The following RAC1 variants were observed in gnomAD, a reference collection of about 807,000 sequenced individuals.
RAC1 encodes the protein ras-related C3 botulinum toxin substrate 1.
In RAC1, 2 loss-of-function variants were observed where a neutral mutation model predicts 25.2. That is an observed-to-expected ratio of 0.08 (90% CI 0.03 to 0.25). RAC1 has a LOEUF of 0.25. Ranked by LOEUF, RAC1 falls within the 10% of genes least tolerant of loss-of-function variation. The probability of loss-of-function intolerance (pLI) is 1.00; values close to 1 mark genes in which losing one functional copy is unlikely to be tolerated. For synonymous variants in RAC1, 88 were observed against 94.0 expected (o/e 0.94, Z 0.37); for missense variants, 50 against 235.7 (o/e 0.21, Z 5.16).
chr7:6,374,830 G>A, intron 1 of RAC1, 60 bp downstream of exon 1: 2 of 1,070,514 alleles, frequency 1.9e-6, no homozygotes, highest in Non-Finnish European at 2.3e-6. Context: ...GGGGGGTTGG[G>A]CCCGGACTGG....
intron 3 of RAC1, among the ~76,000 whole-genome samples, chr7:6,396,836 C>G (rs2115208823): frequency 6.6e-6 from 1 of 152,242 alleles, no homozygotes; most frequent in East Asian, 1.9e-4. Context: ...CGAGACCATC[C>G]TGGCTAACAC....
intron 3 of RAC1, among the ~76,000 whole-genome samples, chr7:6,397,923 A>T (rs995977592): frequency 6.6e-6 from 1 of 152,186 alleles, no homozygotes; most frequent in African/African-American, 2.4e-5. Context: ...CAGGAGGCAG[A>T]GGTTGCAGTG....
rs376124534 is a variant in RAC1, at chr7:6,401,942, T to C, written c.363T>C (p.Asp121=). The C allele has an allele frequency of 6.2e-6, 10 of 1,614,042 alleles. No individual in the cohort carries two copies. The highest frequency in any genetic ancestry group is 7.6e-6 in the Non-Finnish European group (9 of 1,180,022). The change falls in exon 5 of 6, where the codon GAT becomes GAC. Residue 121 remains aspartate (D), a synonymous_variant. Coordinates refer to ENST00000348035, the MANE Select transcript of RAC1 (RefSeq NM_006908.5). ...TGGGAACTAAACTTGATCTTAGGGA[T>C]GATAAAGACACGATCGAGAAACTGA... The part of the protein sequence containing the change: ...ILVGTKLDLR[D]DKDTIEKLKE...
At chr7:6,378,659 ACTCT>A (rs1305711675) in intron 1 of RAC1, among the ~76,000 whole-genome samples, 1 of 152,080 alleles carries the variant, frequency 6.6e-6, no homozygotes, top group Non-Finnish European at 1.5e-5. Flanking sequence ...TAGGGTTGAT[ACTCT>A]TTTATTCTAA....
rs1050409572 is a variant in RAC1 at position 6,403,389 on chromosome 7, C to T, written c.*943C>T. ...TCTTTAAACTGGTTGTTCTGTTAGT[C>T]GCTAACTTAGTAAGTGCTTTTCTTA... is the stretch of plus-strand genomic sequence containing the variant. On this transcript the variant is annotated 3_prime_UTR_variant, in exon 6 of 6. Transcript: ENST00000348035. The T allele has an allele frequency of 4.7e-6, 1 of 212,174 alleles. No homozygotes were observed. Among genetic ancestry groups the T allele is most frequent in the African/African-American group, 2.3e-5 (1 of 44,106 alleles). 13.1% of individuals were successfully genotyped at this position (212,174 alleles called of 1,614,324 possible). A position where few individuals can be genotyped will look rare whatever the true frequency, so the allele number is the denominator to read the frequency against.
Position 6,401,627 on chromosome 7 carries a change from G to C in RAC1, c.289-241G>C. 3 of 322,160 alleles carry C rather than the reference G, an allele frequency of 9.3e-6. No homozygotes were observed. The South Asian group carries it at 2.6e-4, about 28-fold the overall frequency. The allele number at this position is 322,160 out of a possible 1,614,324, so 20.0% of individuals were successfully genotyped here. A position where few individuals can be genotyped will look rare whatever the true frequency, so the allele number is the denominator to read the frequency against. The stretch of plus-strand genomic sequence containing the variant: ...CCCTTCCCCTGCGGTTGTAGAGCCC[G>C]TTCTGTCCGGTCGTGGTTCTGTCCA... On this transcript the variant is annotated intron_variant, in intron 4 of 5. Transcript: ENST00000348035.
intron 1 of RAC1, among the ~76,000 whole-genome samples, chr7:6,376,493 T>TTTTTTTTTC (rs1562459731): frequency 9.4e-5 from 14 of 149,246 alleles, no homozygotes; most frequent in Non-Finnish European, 1.6e-4. Context: ...CCAATTTTTT[T>TTTTTTTTTC]TTTTTTTCTT....
Position 6,401,919 on chromosome 7 carries a change from G to C in RAC1, c.340G>C (p.Gly114Arg), listed in dbSNP as rs1385133511. ...TCCCAACACTCCCATCATCCTAGTG[G>C]GAACTAAACTTGATCTTAGGGATGA... is the stretch of plus-strand genomic sequence containing the variant. ...HCPNTPIILV[G>R]TKLDLRDDKD... is the part of the protein sequence containing the mutation. Residue 114 changes from glycine to arginine, a missense_variant, in exon 5 of 6, where the codon GGA (glycine) becomes CGA (arginine). Transcript: ENST00000348035. The C allele has an allele frequency of 6.2e-7, 1 of 1,614,094 alleles. No homozygotes were observed. The highest frequency in any genetic ancestry group is 1.3e-5 in the African/African-American group (1 of 75,022).
intron 1 of RAC1, among the ~76,000 whole-genome samples, chr7:6,376,881 G>T (rs1204089529): frequency 6.7e-6 from 1 of 148,610 alleles, no homozygotes; most frequent in Non-Finnish European, 1.5e-5. Context: ...AATACTAACC[G>T]ATTGTGGACC....
intron 4 of RAC1, among the ~76,000 whole-genome samples, 194 bp downstream of exon 4, chr7:6,400,382 T>C (rs541013888): frequency 6.6e-6 from 1 of 152,078 alleles, no homozygotes; most frequent in South Asian, 2.1e-4. Flanking sequence ...AGGCTGGAGT[T>C]GTAGTGGTGA....
intron 4 of RAC1, among the ~76,000 whole-genome samples, chr7:6,400,902 C>G (rs1039579862): frequency 6.6e-6 from 1 of 150,812 alleles, no homozygotes; most frequent in African/African-American, 2.4e-5. Flanking sequence ...CTCGAACTCC[C>G]GACCTCAGGT....
chr7:6,396,858 G>T (rs570757975), intron 3 of RAC1, among the ~76,000 whole-genome samples: 1 of 151,948 alleles, frequency 6.6e-6, no homozygotes, highest in Non-Finnish European at 1.5e-5. Flanking sequence ...TTGAAACCTC[G>T]TCTCTACTAA....
chr7:6,396,223 C>T (rs1328047658), intron 3 of RAC1, among the ~76,000 whole-genome samples: 1 of 152,112 alleles, frequency 6.6e-6, no homozygotes, highest in Non-Finnish European at 1.5e-5. Flanking sequence ...ACTGAGAGAC[C>T]CTGGAGAGAC....
chr7:6,376,486 A>AT (rs544818669), intron 1 of RAC1, among the ~76,000 whole-genome samples: 16,058 of 122,602 alleles, frequency 0.13, 1,896 homozygotes, highest in East Asian at 0.53. Flanking sequence ...GCCCGGCCCA[A>AT]TTTTTTTTTT....
At position 6,402,529 on chromosome 7, in the gene RAC1, A is replaced by ACC. The variant is rs1354544439; in HGVS notation, c.*83_*84insCC. On this transcript the variant is annotated 3_prime_UTR_variant, in exon 6 of 6. Transcript: ENST00000348035. ...AAAAAAAACAAAAAAAAAAAACAAA[A>ACC]AAAAAAAACAACGGTGGAGCCTTCG... 2 of 1,096,598 alleles carry ACC rather than the reference A, an allele frequency of 1.8e-6. No individual in the cohort carries two copies. The highest frequency in any genetic ancestry group is 2.3e-6 in the Non-Finnish European group (2 of 855,508). 67.9% of individuals were successfully genotyped at this position (1,096,598 alleles called of 1,614,324 possible). A position where few individuals can be genotyped will look rare whatever the true frequency, so the allele number is the denominator to read the frequency against.
At chr7:6,375,148 C>T (rs1379087459) in intron 1 of RAC1, among the ~76,000 whole-genome samples, 1 of 152,018 alleles carries the variant, frequency 6.6e-6, no homozygotes, top group Non-Finnish European at 1.5e-5. Context: ...TTGCATGAAC[C>T]TCTCGATCCC....
chr7:6,390,840 A>T (rs1026975646), intron 2 of RAC1, among the ~76,000 whole-genome samples: 5 of 152,008 alleles, frequency 3.3e-5, no homozygotes, highest in Non-Finnish European at 5.9e-5. Context: ...TTATCCAATA[A>T]TTTTTTTCTT....
chr7:6,376,095 C>T (rs1782584756), intron 1 of RAC1, among the ~76,000 whole-genome samples: 1 of 149,212 alleles, frequency 6.7e-6, no homozygotes, highest in African/African-American at 2.5e-5. Context: ...GATAATTAGA[C>T]AGCTGATTTT....
intron 3 of RAC1, among the ~76,000 whole-genome samples, chr7:6,395,670 C>T (rs1783217243): frequency 6.6e-6 from 1 of 152,118 alleles, no homozygotes; most frequent in African/African-American, 2.4e-5. Context: ...TGTTAGTGTT[C>T]TGCGAGATTA....
Sources: allele counts gnomAD v4.1 joint callset (sites outside exome capture counted in the v4.1 genomes callset), GRCh38; gene constraint gnomAD v4.1.1; transcripts MANE v1.5; gene names NCBI Gene and HGNC (gene_info 2026-07-23, HGNC 2026-07-21).